VPS53: variants seen among roughly 807,000 people sequenced by gnomAD.
The protein encoded by VPS53 is vacuolar protein sorting-associated protein 53 homolog.
A neutral mutation model predicts 107.0 loss-of-function variants in VPS53; 70 were observed. The ratio of observed to expected loss-of-function variants is 0.65; its 90% CI spans 0.54 to 0.80. The LOEUF (loss-of-function observed/expected upper bound fraction) is 0.80. Among genes scored for constraint, VPS53 ranks in the 30% least tolerant of loss-of-function variants. The probability of loss-of-function intolerance (pLI) is 0.00; values close to 1 mark genes in which losing one functional copy is unlikely to be tolerated. For missense variants in VPS53, 917 were observed against 1,049.4 expected (o/e 0.87, Z 1.74); for synonymous variants, 409 against 393.3 (o/e 1.04, Z -0.47).
chr17:572,618 C>T (rs1567638329), intron 13 of VPS53, among the ~76,000 whole-genome samples: 3 of 151,832 alleles, frequency 2.0e-5, no homozygotes, highest in Admixed American at 6.6e-5. Context: ...ATTGAGAAAT[C>T]GGATGGTTGC....
At chr17:535,647 C>T (rs1374406612) in intron 18 of VPS53, among the ~76,000 whole-genome samples, 4 of 152,194 alleles carry the variant, frequency 2.6e-5, no homozygotes, top group African/African-American at 4.8e-5. Flanking sequence ...TACAGAGACA[C>T]TGCTTCTACC....
chr17:582,335 C>A (rs889062381), intron 13 of VPS53, among the ~76,000 whole-genome samples: 1 of 148,974 alleles, frequency 6.7e-6, no homozygotes, highest in East Asian at 2.3e-4. Flanking sequence ...TCCCAGAGAA[C>A]CTCCCTCAGA....
chr17:659,271 C>CTTTATTTA (rs144543318), intron 5 of VPS53, among the ~76,000 whole-genome samples: 2 of 151,774 alleles, frequency 1.3e-5, no homozygotes, highest in African/African-American at 2.4e-5. Context: ...CATAGGGAGT[C>CTTTATTTA]TTTATTTATT....
intron 11 of VPS53, 65 bp from the exon 12 acceptor site, chr17:601,961 C>G: frequency 1.6e-6 from 2 of 1,225,260 alleles, no homozygotes; most frequent in Non-Finnish European, 2.2e-6. Flanking sequence ...CCCCATTGAT[C>G]TGCTTTTTCT....
rs1323351806 is a variant in VPS53, at chr17:519,916, A to C, written c.2238T>G (p.Pro746=). ...AEMILKVVMA[P]HEPLVVFVDN... ...CAACAAACACCACCAACGGTTCATG[A>C]GGGGCCATCACTACCTACAGCGGGA... The change falls in exon 21 of 22, where the codon CCT becomes CCG. Residue 746 remains proline (P), a synonymous_variant. Transcript: ENST00000437048. This position sits in a 1 kb window ranked among gnomAD's most constrained non-coding sequence, Gnocchi z 5.0. 1.4e-5 allele frequency: 22 copies of C among 1,551,402 alleles called. No individual in the cohort carries two copies. Among genetic ancestry groups the C allele is most frequent in the Middle Eastern group, 3.3e-4 (2 of 6,008 alleles).
intron 19 of VPS53, among the ~76,000 whole-genome samples, chr17:530,234 A>G (rs940139832): frequency 3.3e-5 from 5 of 149,464 alleles, no homozygotes; most frequent in African/African-American, 7.4e-5. Flanking sequence ...TCCCAGGTTC[A>G]AGCAGTTCTC....
At chr17:545,512 A>G (rs1911112200) in intron 17 of VPS53, among the ~76,000 whole-genome samples, 1 of 152,182 alleles carries the variant, frequency 6.6e-6, no homozygotes, top group Admixed American at 6.5e-5. Context: ...AAAGTTGTCC[A>G]AGTTTCCTAC....
At chr17:609,895 C>T (rs572922180) in intron 11 of VPS53, among the ~76,000 whole-genome samples, 23 of 151,978 alleles carry the variant, frequency 1.5e-4, no homozygotes, top group African/African-American at 5.3e-4. Context: ...TTTGGGAGGC[C>T]GAGGTGGGCG....
intron 10 of VPS53, among the ~76,000 whole-genome samples, chr17:624,714 TC>T (rs1410122490): frequency 1.3e-5 from 2 of 152,164 alleles, no homozygotes; most frequent in Non-Finnish European, 2.9e-5. Flanking sequence ...TCTCCCAGGC[TC>T]CATTTCTCAC....
intron 12 of VPS53, among the ~76,000 whole-genome samples, chr17:599,035 A>G (rs866572761): frequency 0.07 from 5,226 of 74,314 alleles, 1,094 homozygotes; most frequent in South Asian, 0.14. Flanking sequence ...CAGCCGCCCC[A>G]TCCGGGAGGT....
chr17:519,757 A>C lies in VPS53; in HGVS notation c.2328+69T>G. 8.4e-7 allele frequency: 1 copy of C among 1,192,386 alleles called. No homozygotes were observed. The highest frequency in any genetic ancestry group is 1.2e-6 in the Non-Finnish European group (1 of 824,170). 73.9% of individuals were successfully genotyped at this position (1,192,386 alleles called of 1,614,324 possible). On this transcript the variant is annotated intron_variant, in intron 21 of 21. Coordinates refer to ENST00000437048, the MANE Select transcript of VPS53 (RefSeq NM_001128159.3). This position sits in a 1 kb window ranked among gnomAD's most constrained non-coding sequence, Gnocchi z 5.0. ...AAAGCCCCCCCGGAACTTATATCCCAATTCCCGGTTAAGAACCGCTGAGTG... is the reference window on the plus strand; with the variant it reads ...AAAGCCCCCCCGGAACTTATATCCCCATTCCCGGTTAAGAACCGCTGAGTG...
intron 17 of VPS53, among the ~76,000 whole-genome samples, chr17:545,932 T>C (rs535719772): frequency 6.6e-6 from 1 of 152,294 alleles, no homozygotes; most frequent in African/African-American, 2.4e-5. Context: ...GTTGGAAGAC[T>C]CATACTTCTT....
chr17:588,461 T>C (rs569110614), intron 12 of VPS53, among the ~76,000 whole-genome samples: 14 of 152,274 alleles, frequency 9.2e-5, no homozygotes, highest in Admixed American at 5.9e-4. Context: ...TTAAAAAAAT[T>C]TTTTTTTAAA....
chr17:667,031 T>C (rs1216582005), intron 4 of VPS53, among the ~76,000 whole-genome samples: 5 of 152,090 alleles, frequency 3.3e-5, no homozygotes, highest in African/African-American at 1.2e-4. Flanking sequence ...TGACATGAAG[T>C]AGAGGCTGTG....
chr17:623,017 T>C (rs766809113), intron 11 of VPS53, among the ~76,000 whole-genome samples: 9 of 152,012 alleles, frequency 5.9e-5, no homozygotes, highest in Non-Finnish European at 1.3e-4. Context: ...GAGTGAAAAT[T>C]TGGACCTGGT....
rs2034088 is a variant in VPS53, at chr17:519,811, T to A, written c.2328+15A>T. On this transcript the variant is annotated intron_variant, in intron 21 of 21. Coordinates refer to ENST00000437048, the MANE Select transcript of VPS53 (RefSeq NM_001128159.3). The surrounding 1 kb of genome is among the most constrained non-coding windows in gnomAD (Gnocchi z 5.0). ...GGGGGATGAGCAGGTGTGGACCAAA[T>A]GTCCCGGCACAAACCTTCATGTCCA... 4 of 1,538,904 alleles carry A rather than the reference T, an allele frequency of 2.6e-6. No homozygotes were observed. Among genetic ancestry groups the A allele is most frequent in the Non-Finnish European group, 3.5e-6 (4 of 1,135,496 alleles).
At chr17:690,281 CACAA>C (rs899696999) in intron 4 of VPS53, among the ~76,000 whole-genome samples, 335 of 152,306 alleles carry the variant, frequency 2.2e-3, no homozygotes, top group African/African-American at 7.6e-3. Context: ...GACTCTCTTG[CACAA>C]ACAGAGGTGG....
intron 5 of VPS53, chr17:656,827 GTC>G: frequency 1.9e-6 from 3 of 1,583,372 alleles, no homozygotes; most frequent in Non-Finnish European, 2.6e-6. Flanking sequence ...CCAGTCTCTT[GTC>G]TCTCTCTTCA....
rs887323426 is a variant in VPS53, at chr17:512,567, A to C, written c.*6561T>G. On this transcript the variant is annotated 3_prime_UTR_variant, in exon 22 of 22. Coordinates refer to ENST00000437048, the MANE Select transcript of VPS53 (RefSeq NM_001128159.3). Reference sequence around the variant, plus strand: ...CAGGCAATGCCCTTCCAGGTGGGCTACAGGGAAGGTTCTTTTCTCATTAGG... The same window carrying C: ...CAGGCAATGCCCTTCCAGGTGGGCTCCAGGGAAGGTTCTTTTCTCATTAGG... The C allele has an allele frequency of 1.3e-5, 2 of 152,216 alleles. No homozygotes were observed. Among genetic ancestry groups the C allele is most frequent in the African/African-American group, 4.8e-5 (2 of 41,450 alleles). The allele number at this position is 152,216 out of a possible 1,614,324, so 9.4% of individuals were successfully genotyped here. A position where few individuals can be genotyped will look rare whatever the true frequency, so the allele number is the denominator to read the frequency against.
Sources: allele counts gnomAD v4.1 joint callset (sites outside exome capture counted in the v4.1 genomes callset), GRCh38; gene constraint gnomAD v4.1.1; non-coding constraint Gnocchi (gnomAD v3.1); transcripts MANE v1.5; gene names NCBI Gene and HGNC (gene_info 2026-07-23, HGNC 2026-07-21).